The following EPHA5 variants were observed in gnomAD, a reference collection of about 807,000 sequenced individuals.
The protein encoded by EPHA5 is EPH receptor A5.
A neutral mutation model predicts 105.0 loss-of-function variants in EPHA5; 60 were observed. The ratio of observed to expected loss-of-function variants is 0.57; its 90% CI spans 0.46 to 0.71. The LOEUF (loss-of-function observed/expected upper bound fraction) is 0.71, where lower values mean the gene tolerates loss of function less well. Ranked by LOEUF, EPHA5 falls within the 30% of genes least tolerant of loss-of-function variation. The pLI, the probability that EPHA5 is intolerant of heterozygous loss-of-function variation, is 0.00. For synonymous variants in EPHA5, 513 were observed against 449.1 expected, an observed-to-expected ratio of 1.14 and a Z score of -1.80; for missense variants, 1,218 against 1,274.7, an observed-to-expected ratio of 0.96 and a Z score of 0.68.
At chr4:65,582,620 A>G (rs1020502184) in intron 3 of EPHA5, among the ~76,000 whole-genome samples, 23 of 151,874 alleles carry the variant, frequency 1.5e-4, no homozygotes, top group Middle Eastern at 3.4e-3. Flanking sequence ...TGAAGGTTAC[A>G]GATGTCTATG....
intron 1 of EPHA5, among the ~76,000 whole-genome samples, chr4:65,665,102 A>G (rs556100029): frequency 1.3e-4 from 20 of 151,970 alleles, no homozygotes; most frequent in Non-Finnish European, 4.4e-5. Flanking sequence ...TTGAAGTATG[A>G]ACACGATATT....
chr4:65,482,909 G>A (rs891770994), intron 5 of EPHA5, among the ~76,000 whole-genome samples: 11 of 149,478 alleles, frequency 7.4e-5, no homozygotes, highest in Non-Finnish European at 1.0e-4. Flanking sequence ...TGTGCACAAC[G>A]TGCAGGTTTG....
chr4:65,585,457 A>T (rs1344524920), intron 3 of EPHA5, among the ~76,000 whole-genome samples: 1 of 151,856 alleles, frequency 6.6e-6, no homozygotes, highest in Non-Finnish European at 1.5e-5. Context: ...AGAAAAAAAA[A>T]AATATTTACC....
intron 2 of EPHA5, among the ~76,000 whole-genome samples, chr4:65,628,631 T>C (rs1746356228): frequency 6.6e-6 from 1 of 152,194 alleles, no homozygotes; most frequent in Non-Finnish European, 1.5e-5. Context: ...AAAAATTTCA[T>C]TATTCAATCT....
At chr4:65,351,189 T>C (rs1459850622) in intron 13 of EPHA5, among the ~76,000 whole-genome samples, 200 bp downstream of exon 13, 4 of 152,096 alleles carry the variant, frequency 2.6e-5, no homozygotes, top group East Asian at 3.9e-4. Context: ...ACTCAGATAT[T>C]CTAAAGTTAA....
chr4:65,548,439 C>T (rs1331735303), intron 3 of EPHA5, among the ~76,000 whole-genome samples: 4 of 151,320 alleles, frequency 2.6e-5, no homozygotes, highest in South Asian at 4.2e-4. Context: ...AAAGATAATG[C>T]ACTAAGAAGT....
chr4:65,442,614 T>G (rs1427013329), intron 5 of EPHA5, among the ~76,000 whole-genome samples: 1 of 152,190 alleles, frequency 6.6e-6, no homozygotes, highest in Admixed American at 6.5e-5. Context: ...GATATGTAAG[T>G]GCTCACACAC....
chr4:65,608,669 T>C (rs1744472428), intron 2 of EPHA5, among the ~76,000 whole-genome samples: 1 of 152,224 alleles, frequency 6.6e-6, no homozygotes, highest in Non-Finnish European at 1.5e-5. Context: ...TATTGTGTGC[T>C]AATTTAAAGG....
chr4:65,568,419 C>T (rs1051945961), intron 3 of EPHA5, among the ~76,000 whole-genome samples: 21 of 151,392 alleles, frequency 1.4e-4, no homozygotes, highest in Middle Eastern at 3.6e-3. Flanking sequence ...GATTTACTCA[C>T]AATTTGTTAT....
chr4:65,534,579 C>T (rs1400630444), intron 3 of EPHA5, among the ~76,000 whole-genome samples: 1 of 152,164 alleles, frequency 6.6e-6, no homozygotes, highest in Non-Finnish European at 1.5e-5. Context: ...GGTAACTGGG[C>T]AGACAAAGAT....
intron 7 of EPHA5, among the ~76,000 whole-genome samples, chr4:65,408,674 A>G (rs1722611638): frequency 6.6e-6 from 1 of 152,062 alleles, no homozygotes; most frequent in South Asian, 2.1e-4. Context: ...GGTGATCATT[A>G]AAAAGTCAGG....
intron 8 of EPHA5, among the ~76,000 whole-genome samples, chr4:65,397,593 T>G (rs1721367554): frequency 6.7e-6 from 1 of 148,332 alleles, no homozygotes; most frequent in Non-Finnish European, 1.5e-5. Context: ...CAAAATAGTC[T>G]ACGTTTTAGA....
At chr4:65,378,079 G>A (rs943847076) in intron 8 of EPHA5, among the ~76,000 whole-genome samples, 28 of 151,858 alleles carry the variant, frequency 1.8e-4, no homozygotes, top group African/African-American at 6.5e-4. Flanking sequence ...AAACACTAAT[G>A]AAGATAGATG....
At chr4:65,494,498 G>T (rs1367334612) in intron 4 of EPHA5, among the ~76,000 whole-genome samples, 1 of 152,110 alleles carries the variant, frequency 6.6e-6, no homozygotes, top group Admixed American at 6.6e-5. Flanking sequence ...TGCTTGATTT[G>T]CTACAGAGAC....
chr4:65,518,327 G>A (rs946597064), intron 3 of EPHA5, among the ~76,000 whole-genome samples: 1 of 151,644 alleles, frequency 6.6e-6, no homozygotes, highest in East Asian at 1.9e-4. Flanking sequence ...CTTATAATGT[G>A]TAAATTAGAG....
At chr4:65,360,976 T>A (rs921457561) in intron 11 of EPHA5, among the ~76,000 whole-genome samples, 1 of 151,626 alleles carries the variant, frequency 6.6e-6, no homozygotes, top group Non-Finnish European at 1.5e-5. Context: ...TGACAGAGTA[T>A]ACAGAAATGC....
At chr4:65,390,067 TA>T (rs1266949903) in intron 8 of EPHA5, among the ~76,000 whole-genome samples, 1 of 152,052 alleles carries the variant, frequency 6.6e-6, no homozygotes, top group Non-Finnish European at 1.5e-5. Context: ...CTATTTTTTA[TA>T]TATTTTCTCT....
At chr4:65,630,081 T>TCACACACA (rs35628731) in intron 2 of EPHA5, among the ~76,000 whole-genome samples, 32 of 146,626 alleles carry the variant, frequency 2.2e-4, no homozygotes, top group Admixed American at 4.1e-4. Context: ...TCTCTCTCTC[T>TCACACACA]CACACACACA....
intron 3 of EPHA5, among the ~76,000 whole-genome samples, chr4:65,599,639 A>G (rs1026352827): frequency 6.6e-6 from 1 of 152,102 alleles, no homozygotes; most frequent in South Asian, 2.1e-4. Context: ...TTTTTGCATT[A>G]CCTCTGCAAA....
Sources: allele counts gnomAD v4.1 joint callset (sites outside exome capture counted in the v4.1 genomes callset), GRCh38; gene constraint gnomAD v4.1.1; transcripts MANE v1.5; gene names NCBI Gene and HGNC (gene_info 2026-07-23, HGNC 2026-07-21).